The following MDN1 variants were observed in gnomAD, a reference collection of about 807,000 sequenced individuals.
MDN1 encodes midasin AAA ATPase 1.
MDN1 carries 266 observed loss-of-function variants against 669.2 expected under a neutral mutation model. The ratio of observed to expected loss-of-function variants is 0.40; its 90% confidence interval spans 0.36 to 0.44. The LOEUF (loss-of-function observed/expected upper bound fraction) is 0.44. Ranked by LOEUF, MDN1 falls within the 20% of genes least tolerant of loss-of-function variation. The pLI, the probability that MDN1 is intolerant of heterozygous loss-of-function variation, is 1.00. For synonymous variants in MDN1, 2,385 were observed against 2,457.1 expected, an observed-to-expected ratio of 0.97 and a Z score of 0.87; for missense variants, 5,940 against 6,754.0, an observed-to-expected ratio of 0.88 and a Z score of 4.22.
At chr6:89,705,782 G>A (rs1813472494) in intron 53 of MDN1, among the ~76,000 whole-genome samples, 1 of 152,180 alleles carries the variant, frequency 6.6e-6, no homozygotes, top group Non-Finnish European at 1.5e-5. Context: ...CTTTGGGGGT[G>A]ATGGATATGT....
intron 43 of MDN1, among the ~76,000 whole-genome samples, chr6:89,717,670 A>G (rs1164590321): frequency 6.6e-6 from 1 of 152,242 alleles, no homozygotes; most frequent in South Asian, 2.1e-4. Context: ...TGGCAGGCTT[A>G]AAGTGAGAAA....
intron 52 of MDN1, among the ~76,000 whole-genome samples, chr6:89,706,829 T>C (rs1009999552): frequency 6.6e-6 from 1 of 152,024 alleles, no homozygotes; most frequent in African/African-American, 2.4e-5. Flanking sequence ...CCAATAGATA[T>C]GAGAAAACAT....
Position 89,645,084 on chromosome 6 carries a change from T to C in MDN1, c.16533A>G (p.Ala5511=), listed in dbSNP as rs1465946120. 2.5e-6 allele frequency: 4 copies of C among 1,612,504 alleles called. No homozygotes were observed. The East Asian group carries it at 8.9e-5, about 36-fold the overall frequency. Residue 5511 remains alanine (A), a synonymous_variant, in exon 101 of 102, where the codon GCA becomes GCG. Transcript: ENST00000369393. ...TTGCATTCCGGGCAGCCTGAACTGCTGCCAGGACTCTTTCTTTGCCCTCAA... is the reference window on the plus strand; with the variant it reads ...TTGCATTCCGGGCAGCCTGAACTGCCGCCAGGACTCTTTCTTTGCCCTCAA... ...LFLEGKERVL[A]AVQAARNANI...
chr6:89,746,611 AAAAG>A (rs35724331), intron 27 of MDN1, among the ~76,000 whole-genome samples: 461 of 40,468 alleles, frequency 0.011, 4 homozygotes, highest in African/African-American at 0.022. Context: ...AAAAAAAAAA[AAAAG>A]AAAGAAAGAA....
chr6:89,817,239 G>C (rs1378163362), intron 1 of MDN1, among the ~76,000 whole-genome samples: 1 of 152,188 alleles, frequency 6.6e-6, no homozygotes, highest in Non-Finnish European at 1.5e-5. Context: ...ATCTCCTGGG[G>C]CTGTGTCATG....
rs1252172989 is a variant in MDN1 at position 89,655,855 on chromosome 6, C to A, written c.15399G>T (p.Gly5133=). 2.5e-6 allele frequency: 4 copies of A among 1,614,072 alleles called. No individual in the cohort carries two copies. Among genetic ancestry groups the A allele is most frequent in the Non-Finnish European group, 3.4e-6 (4 of 1,180,008 alleles). ...CCTGGGCCTGGGGCTGCTGAGCTGG[C>A]CCCTGCTCGGCATGGCTGTCCGTAT... ...TVDTDSHAEQ[G]PAQQPQAQVE... The change falls in exon 92 of 102, where the codon GGG becomes GGT. Residue 5133 remains glycine (G), a synonymous_variant. Coordinates refer to ENST00000369393, the MANE Select transcript of MDN1 (RefSeq NM_014611.3).
At position 89,780,265 on chromosome 6, in the gene MDN1, C is replaced by T. The variant is rs1818598155; in HGVS notation, c.1672G>A (p.Ala558Thr). The T allele has an allele frequency of 1.9e-6, 3 of 1,586,840 alleles. No homozygotes were observed. The highest frequency in any genetic ancestry group is 2.7e-5 in the African/African-American group (2 of 73,232). The change falls in exon 11 of 102, where the codon GCC becomes ACC. Residue 558 changes from alanine to threonine, a missense_variant. Ala to Thr is a moderately conservative substitution (Grantham distance 58). Transcript: ENST00000369393. ...RDLLNWCNRI[A>T]HSFDSSSLSA... ...AAAGATGAACTGTCAAAGCTATGGG[C>T]AATCCTATTACACCAATTCAGCAGA...
At position 89,780,294 on chromosome 6, in the gene MDN1, CT is replaced by C; in HGVS notation, c.1644-2del. 6.5e-7 allele frequency: 1 copy of C among 1,549,110 alleles called. No homozygotes were observed. The highest frequency in any genetic ancestry group is 1.3e-5 in the South Asian group (1 of 79,650). On this transcript the variant is annotated splice_acceptor_variant, in intron 10 of 101. Transcript: ENST00000369393. LOFTEE classifies it high-confidence loss of function. ...CCTATTACACCAATTCAGCAGATCC[CT>C]TTAAAAAAAAGAAAGAAAAGAAAAA...
chr6:89,693,901 CT>C (rs1584205939), intron 62 of MDN1, among the ~76,000 whole-genome samples, 172 bp downstream of exon 62: 1 of 152,212 alleles, frequency 6.6e-6, no homozygotes, highest in African/African-American at 2.4e-5. Flanking sequence ...AATAGCCCCC[CT>C]CTCCTCCTTT....
At chr6:89,679,170 A>C (rs1811436830) in intron 74 of MDN1, among the ~76,000 whole-genome samples, 1 of 152,252 alleles carries the variant, frequency 6.6e-6, no homozygotes, top group Non-Finnish European at 1.5e-5. Flanking sequence ...AGTACATCGT[A>C]AATTCTCTTT....
intron 17 of MDN1, among the ~76,000 whole-genome samples, chr6:89,761,006 A>G (rs1197474542): frequency 2.0e-5 from 3 of 152,068 alleles, no homozygotes. Context: ...TAAAAATACA[A>G]AAACAAAAAA....
Position 89,706,107 on chromosome 6 carries a change from G to A in MDN1, c.8100C>T (p.Leu2700=), listed in dbSNP as rs1356863729. ...FFELCDALVL[L]WVQSSQGMVS... ...CCATTCCCTGGGAGGACTGTACCCAGAGCAGGACTAGTGCATCACAAAGTT... is the reference window on the plus strand; with the variant it reads ...CCATTCCCTGGGAGGACTGTACCCAAAGCAGGACTAGTGCATCACAAAGTT... Residue 2700 remains leucine (L), a synonymous_variant, in exon 53 of 102, where the codon CTC becomes CTT. Transcript: ENST00000369393. 4.3e-6 allele frequency: 7 copies of A among 1,613,350 alleles called. No individual in the cohort carries two copies. In the East Asian group the frequency reaches 1.6e-4, roughly 36 times the overall value.
At position 89,654,294 on chromosome 6, in the gene MDN1, A is replaced by G. The variant is rs1809092977; in HGVS notation, c.15531T>C (p.Ser5177=). The change falls in exon 93 of 102, where the codon TCT becomes TCC. Residue 5177 remains serine (S), a synonymous_variant. Coordinates refer to ENST00000369393, the MANE Select transcript of MDN1 (RefSeq NM_014611.3). ...TCTCCTCCTCTTCCTGATCTTTGCC[A>G]GAGTCTTTTGCAGACTGTTGCTGTT... ...SKEQQQSAKD[S]GKDQEEEEIE... The G allele has an allele frequency of 6.2e-7, 1 of 1,614,110 alleles. No individual in the cohort carries two copies. The highest frequency in any genetic ancestry group is 1.1e-5 in the South Asian group (1 of 91,096).
intron 1 of MDN1, among the ~76,000 whole-genome samples, chr6:89,813,048 C>G (rs1768547835): frequency 6.6e-6 from 1 of 152,178 alleles, no homozygotes; most frequent in Non-Finnish European, 1.5e-5. Flanking sequence ...TCAAGAGATT[C>G]TCCTGCCTCA....
intron 9 of MDN1, among the ~76,000 whole-genome samples, chr6:89,781,899 C>G (rs1250413710): frequency 6.6e-6 from 1 of 152,086 alleles, no homozygotes; most frequent in African/African-American, 2.4e-5. Flanking sequence ...CAGGGAGGAT[C>G]ATCTGAGACT....
Position 89,794,105 on chromosome 6 carries a change from C to T in MDN1, c.657G>A (p.Arg219=). 1 of 1,572,746 alleles carries T rather than the reference C, an allele frequency of 6.4e-7. No homozygotes were observed. Among genetic ancestry groups the T allele is most frequent in the South Asian group, 1.2e-5 (1 of 85,064 alleles). Residue 219 remains arginine (R), a synonymous_variant, in exon 4 of 102, where the codon AGG becomes AGA. Coordinates refer to ENST00000369393, the MANE Select transcript of MDN1 (RefSeq NM_014611.3). ...IFNSDELIHF[R]LRLLEEAQLQ... is the part of the protein sequence containing the mutation. ...CCACGAAGGTTCCTGCTTACCTCAACCTGAAATGGATCAATTCATCACTAT... is the reference window on the plus strand; with the variant it reads ...CCACGAAGGTTCCTGCTTACCTCAATCTGAAATGGATCAATTCATCACTAT...
chr6:89,671,117 G>T, intron 82 of MDN1, 37 bp from the exon 83 acceptor site: 1 of 1,595,254 alleles, frequency 6.3e-7, no homozygotes, highest in Non-Finnish European at 8.5e-7. Context: ...TGCTCACACT[G>T]CTTGGCAGGT....
rs1305232245 is a variant in MDN1, at chr6:89,658,888, G to A, written c.14743C>T (p.Pro4915Ser). The A allele has an allele frequency of 1.9e-5, 31 of 1,612,220 alleles. No homozygotes were observed. The highest frequency in any genetic ancestry group is 5.0e-5 in the Admixed American group (3 of 59,474). The change falls in exon 89 of 102, where the codon CCA becomes TCA. Residue 4915 changes from proline (P) to serine (S), a missense_variant. By Grantham distance (74) the Pro-to-Ser change is moderately conservative. Around this residue, in one of 5 missense-constraint regions of MDN1, gnomAD observed 2,280 missense variants for 2,576.3 expected, o/e 0.88. Coordinates refer to ENST00000369393, the MANE Select transcript of MDN1 (RefSeq NM_014611.3). ...EENPLEIKEK[P>S]EEAGHEAEER... Reference sequence around the variant, plus strand: ...TCAGCTTCATGACCTGCTTCTTCTGGTTTTTCTTTTATCTCCAAAGGATTC... The same window carrying A: ...TCAGCTTCATGACCTGCTTCTTCTGATTTTTCTTTTATCTCCAAAGGATTC...
At chr6:89,785,703 A>G (rs890183003) in intron 8 of MDN1, among the ~76,000 whole-genome samples, 5 of 152,164 alleles carry the variant, frequency 3.3e-5, no homozygotes, top group African/African-American at 1.2e-4. Flanking sequence ...GCCCTTATAC[A>G]CTCAACTGTG....
Sources: allele counts gnomAD v4.1 joint callset (sites outside exome capture counted in the v4.1 genomes callset), GRCh38; gene constraint gnomAD v4.1.1; regional missense constraint gnomAD v4.1.1; transcripts MANE v1.5; gene names NCBI Gene and HGNC (gene_info 2026-07-23, HGNC 2026-07-21).